The following GABRA2 variants were observed in gnomAD, a reference collection of about 807,000 sequenced individuals.
GABRA2 encodes gamma-aminobutyric acid receptor subunit alpha-2.
In GABRA2, 16 loss-of-function variants were observed where a neutral mutation model predicts 48.7. The ratio of observed to expected loss-of-function variants is 0.33; its 90% confidence interval spans 0.22 to 0.50. The LOEUF is 0.50. Among genes scored for constraint, GABRA2 ranks in the 20% least tolerant of loss-of-function variants. The pLI, the probability that GABRA2 is intolerant of heterozygous loss-of-function variation, is 0.98. For synonymous variants in GABRA2, 185 were observed against 184.5 expected, an observed-to-expected ratio of 1.00 and a Z score of -0.02; for missense variants, 275 against 535.6, an observed-to-expected ratio of 0.51 and a Z score of 4.80.
intron 8 of GABRA2, among the ~76,000 whole-genome samples, chr4:46,291,208 G>T (rs906200901): frequency 1.3e-5 from 2 of 152,182 alleles, no homozygotes; most frequent in South Asian, 4.2e-4. Context: ...TAGCCCTCTG[G>T]TTCTAGACTT....
intron 4 of GABRA2, among the ~76,000 whole-genome samples, chr4:46,328,596 T>C (rs941025395): frequency 2.0e-5 from 3 of 150,944 alleles, no homozygotes; most frequent in African/African-American, 7.4e-5. Flanking sequence ...GGTAATAATA[T>C]GGCTATGTTT....
chr4:46,345,795 G>GA (rs1187705487), intron 3 of GABRA2, among the ~76,000 whole-genome samples: 1 of 151,864 alleles, frequency 6.6e-6, no homozygotes, highest in Non-Finnish European at 1.5e-5. Flanking sequence ...CCCTAAGAAG[G>GA]AAAAATGACA....
chr4:46,289,526 C>T (rs890321682), intron 8 of GABRA2, among the ~76,000 whole-genome samples: 1 of 152,056 alleles, frequency 6.6e-6, no homozygotes, highest in Non-Finnish European at 1.5e-5. Context: ...TAGGGAGGAA[C>T]AACACACACT....
In GABRA2 at chr4:46,389,802, G is replaced by GGAGGGAGA. The variant is rs1717981893; in HGVS notation, c.-79_-78insTCTCCCTC. ...TGATCTTGACGAGATAGGAAACTTG[G>GGAGGGAGA]GAGAGAGAGAGAGAGAGAGAGAGAG... On this transcript the variant is annotated 5_prime_UTR_variant, in exon 1 of 10. Transcript: ENST00000381620. The GGAGGGAGA allele has an allele frequency of 7.5e-6, 2 of 268,270 alleles. No homozygotes were observed. Among genetic ancestry groups the GGAGGGAGA allele is most frequent in the East Asian group, 1.1e-3 (2 of 1,892 alleles). The allele number at this position is 268,270 out of a possible 1,614,324, so 16.6% of individuals were successfully genotyped here.
chr4:46,284,274 C>G (rs1478780764), intron 8 of GABRA2, among the ~76,000 whole-genome samples: 4 of 152,044 alleles, frequency 2.6e-5, no homozygotes, highest in African/African-American at 9.7e-5. Flanking sequence ...ACAAGTTAAG[C>G]TATATGTATG....
chr4:46,331,256 T>A (rs1193475706), intron 4 of GABRA2, among the ~76,000 whole-genome samples: 3 of 152,278 alleles, frequency 2.0e-5, no homozygotes, highest in Admixed American at 1.3e-4. Context: ...ACATTTAGTA[T>A]CAACCACTTC....
rs1560590293 is a variant in GABRA2, at chr4:46,369,012, A to G, written c.187+17062T>C. On this transcript the variant is annotated intron_variant, in intron 3 of 9. Coordinates refer to ENST00000381620, the MANE Select transcript of GABRA2 (RefSeq NM_000807.4). ...TGGAGATTCCACTCTGGAAACTGGG[A>G]AAGAAGAAAGCTATTAAAGATGCTG... is the stretch of plus-strand genomic sequence containing the variant. 1.4e-6 allele frequency: 1 copy of G among 700,824 alleles called. No homozygotes were observed. Among genetic ancestry groups the G allele is most frequent in the Admixed American group, 2.0e-5 (1 of 49,888 alleles). 43.4% of individuals were successfully genotyped at this position (700,824 alleles called of 1,614,324 possible). A position where few individuals can be genotyped will look rare whatever the true frequency, so the allele number is the denominator to read the frequency against.
intron 8 of GABRA2, among the ~76,000 whole-genome samples, chr4:46,294,136 A>G (rs1354156737): frequency 1.3e-5 from 2 of 152,184 alleles, no homozygotes; most frequent in Admixed American, 1.3e-4. Flanking sequence ...CTCTCTGGCT[A>G]TGTGTCATAA....
intron 3 of GABRA2, chr4:46,368,726 C>T (rs1428455165): frequency 1.2e-5 from 5 of 404,126 alleles, no homozygotes; most frequent in Non-Finnish European, 1.3e-5. Flanking sequence ...ATTGGTTGAC[C>T]TTTAAGACTG....
At position 46,251,931 on chromosome 4, in the gene GABRA2, T is replaced by C. The variant is rs897500295; in HGVS notation, c.1060-1327A>G. 2.6e-4 allele frequency among the ~76,000 whole-genome samples: 39 copies of C among 151,576 alleles called. No homozygotes were observed. In the Middle Eastern group the frequency reaches 0.014, roughly 53 times the overall value. ...AATATAAATAGTACTTATCTGTTTC[T>C]TTACTAATATAAATATATTTTTGGT... On this transcript the variant is annotated intron_variant, in intron 9 of 9. Transcript: ENST00000381620.
rs1383255736 is a variant in GABRA2, at chr4:46,310,158, C to T, written c.559+15G>A. 2 of 1,603,230 alleles carry T rather than the reference C, an allele frequency of 1.2e-6. No homozygotes were observed. Among genetic ancestry groups the T allele is most frequent in the Non-Finnish European group, 8.5e-7 (1 of 1,170,636 alleles). ...ATTATTGACCCAAAACATGTAACTT[C>T]ATCCCTGTACTTACAGCTGCCAAAT... On this transcript the variant is annotated intron_variant, in intron 6 of 9. Coordinates refer to ENST00000381620, the MANE Select transcript of GABRA2 (RefSeq NM_000807.4).
intron 3 of GABRA2, among the ~76,000 whole-genome samples, chr4:46,341,429 C>T (rs905919960): frequency 6.6e-6 from 1 of 151,946 alleles, no homozygotes; most frequent in Non-Finnish European, 1.5e-5. Flanking sequence ...GTGTATGTTG[C>T]TGTTTGTTGC....
rs371780772 is a variant in GABRA2 at position 46,244,312 on chromosome 4, T to C, written c.*5996A>G. The C allele has an allele frequency of 1.1e-4, 16 of 151,800 alleles. No individual in the cohort carries two copies. Among genetic ancestry groups the C allele is most frequent in the African/African-American group, 3.9e-4 (16 of 41,540 alleles). The allele number at this position is 151,800 out of a possible 1,614,324, so 9.4% of individuals were successfully genotyped here. On this transcript the variant is annotated 3_prime_UTR_variant, in exon 10 of 10. Coordinates refer to ENST00000381620, the MANE Select transcript of GABRA2 (RefSeq NM_000807.4). ...ACTATTTCTAAAGTAATTCTGCAAC[T>C]AACTCTTGCTTTCTTAGCATCAGTT...
chr4:46,246,897 C>T lies in GABRA2; in HGVS notation c.*3411G>A, dbSNP rs1321539700. On this transcript the variant is annotated 3_prime_UTR_variant, in exon 10 of 10. Coordinates refer to ENST00000381620, the MANE Select transcript of GABRA2 (RefSeq NM_000807.4). The stretch of plus-strand genomic sequence containing the variant: ...TTTCTTCTTTCATTGGAATGATGAC[C>T]GGCCATGCCAAAGAAAAGTACTTTG... 4.0e-5 allele frequency among the ~76,000 whole-genome samples: 6 copies of T among 150,978 alleles called. No homozygotes were observed. The highest frequency in any genetic ancestry group is 7.3e-5 in the African/African-American group (3 of 41,280).
chr4:46,255,888 A>G (rs1369146242), intron 9 of GABRA2, among the ~76,000 whole-genome samples: 3 of 151,610 alleles, frequency 2.0e-5, no homozygotes, highest in Admixed American at 1.3e-4. Flanking sequence ...CCTATGAGTA[A>G]AGTGACCTGG....
chr4:46,307,502 A>T (rs569395828), intron 6 of GABRA2, among the ~76,000 whole-genome samples: 62 of 152,088 alleles, frequency 4.1e-4, no homozygotes, highest in African/African-American at 7.5e-4. Context: ...TTTAAACATA[A>T]ATAAGAAAAA....
intron 3 of GABRA2, among the ~76,000 whole-genome samples, chr4:46,375,410 C>A (rs1412367981): frequency 1.3e-5 from 2 of 151,930 alleles, no homozygotes; most frequent in East Asian, 3.9e-4. Context: ...TTTCATTTTG[C>A]TGTTCATGTC....
At chr4:46,288,257 C>G (rs1722935581) in intron 8 of GABRA2, among the ~76,000 whole-genome samples, 1 of 152,110 alleles carries the variant, frequency 6.6e-6, no homozygotes, top group Admixed American at 6.6e-5. Context: ...TGGCTCTCGG[C>G]TTGACTGTTG....
intron 8 of GABRA2, among the ~76,000 whole-genome samples, chr4:46,278,230 C>T (rs557628881): frequency 2.6e-5 from 4 of 152,172 alleles, no homozygotes; most frequent in African/African-American, 9.6e-5. Context: ...AATATCCAAA[C>T]TTTCTGTTTG....
Sources: gnomAD v4.1 joint callset for allele counts (sites outside exome capture counted in the v4.1 genomes callset) on GRCh38, gnomAD v4.1.1 for gene constraint, MANE v1.5 for transcripts, NCBI Gene and HGNC (gene_info 2026-07-23, HGNC 2026-07-21) for gene names.